Variants in GSDMB observed in about 807,000 individuals in gnomAD.
GSDMB encodes the protein gasdermin B.
Under a neutral mutation model 42.9 loss-of-function variants are expected in GSDMB, and 32 were observed. The observed-to-expected ratio is 0.75, with a 90% CI of 0.56 to 1.00. The LOEUF (loss-of-function observed/expected upper bound fraction) is 1.00. Ranked by LOEUF, GSDMB falls within the 50% of genes least tolerant of loss-of-function variation. The pLI, the probability that GSDMB is intolerant of heterozygous loss-of-function variation, is 0.00. For synonymous variants in GSDMB, 175 were observed against 193.7 expected, an observed-to-expected ratio of 0.90 and a Z score of 0.80; for missense variants, 468 against 498.5, an observed-to-expected ratio of 0.94 and a Z score of 0.58.
Position 39,906,252 on chromosome 17 carries a change from C to T in GSDMB, c.747G>A (p.Glu249=). ...ACTTCTCCTTCATGTTTCTGGAATC[C>T]TCCGAACCCAAAGACTTTCCTGTAG... ...SSCLGKSLGS[E]DSRNMKEKLE... Residue 249 remains glutamate (E), a synonymous_variant, in exon 8 of 11, where the codon GAG becomes GAA. Transcript: ENST00000418519. 6.2e-7 allele frequency: 1 copy of T among 1,614,154 alleles called. No individual in the cohort carries two copies. Among genetic ancestry groups the T allele is most frequent in the Non-Finnish European group, 8.5e-7 (1 of 1,180,036 alleles).
chr17:39,906,397 C>A, intron 7 of GSDMB, 126 bp from the exon 8 acceptor site: 2 of 1,022,816 alleles, frequency 2.0e-6, no homozygotes, highest in Non-Finnish European at 2.8e-6. Context: ...CCAGTCTTTC[C>A]GTGTTAAAAT....
intron 2 of GSDMB, 63 bp from the exon 3 acceptor site, chr17:39,912,560 C>A (rs1443958146): frequency 4.5e-6 from 6 of 1,336,260 alleles, no homozygotes; most frequent in Non-Finnish European, 6.5e-6. Flanking sequence ...CTCCAAAACA[C>A]CCTCCCTGGG....
intron 6 of GSDMB, chr17:39,907,234 A>G: frequency 1.5e-6 from 2 of 1,327,114 alleles, no homozygotes; most frequent in Non-Finnish European, 1.9e-6. Flanking sequence ...CAAGGCCCAG[A>G]AAGGGGGCAG....
chr17:39,909,181 C>CA, intron 4 of GSDMB, 139 bp from the exon 5 acceptor site: 2 of 599,940 alleles, frequency 3.3e-6, no homozygotes, highest in Non-Finnish European at 5.9e-6. Context: ...CAGAGGTCAG[C>CA]AGGTGAGACA....
At position 39,905,461 on chromosome 17, in the gene GSDMB, G is replaced by A. The variant is rs768531679; in HGVS notation, c.1063C>T (p.Leu355=). The change falls in exon 10 of 11, where the codon CTG becomes TTG. Residue 355 remains leucine, a synonymous_variant. Transcript: ENST00000418519. ...SEEQQFVAEA[L]EKGTLPLLKD... is the part of the protein sequence containing the mutation. ...AACAGAGGAAGGGTCCCCTTCTCCA[G>A]GGCCTCAGCCACAAACTGCTGCTCT... The A allele has an allele frequency of 6.2e-7, 1 of 1,609,830 alleles. No individual in the cohort carries two copies. Among genetic ancestry groups the A allele is most frequent in the Non-Finnish European group, 8.5e-7 (1 of 1,178,220 alleles).
At chr17:39,917,961 T>C (rs2063746469) in intron 1 of GSDMB, 1 of 152,498 alleles carries the variant, frequency 6.6e-6, no homozygotes, top group African/African-American at 2.4e-5. Flanking sequence ...CCTCTGCCCC[T>C]CATGGTACCC....
Position 39,906,186 on chromosome 17 carries a change from C to A in GSDMB, c.813G>T (p.Glu271Asp), listed in dbSNP as rs796742501. 6.2e-7 allele frequency: 1 copy of A among 1,614,120 alleles called. No homozygotes were observed. The highest frequency in any genetic ancestry group is 1.1e-5 in the South Asian group (1 of 91,090). The change falls in exon 8 of 11, where the codon GAG becomes GAT. Residue 271 changes from glutamate (E) to aspartate (D), a missense_variant. By Grantham distance (45) the Glu-to-Asp change is conservative. Transcript: ENST00000418519. The part of the protein sequence containing the change: ...MESVLKDLTE[E>D]KRKDVLNSLA... ...GGGAGTTTAGCACATCTTTTCTCTT[C>A]TCCTCTGTCAGGTCCTTGAGGACAC...
chr17:39,915,998 G>A (rs1397946145), intron 2 of GSDMB, among the ~76,000 whole-genome samples: 2 of 152,072 alleles, frequency 1.3e-5, no homozygotes, highest in Non-Finnish European at 2.9e-5. Context: ...TCCACTTTGG[G>A]CTCCAAGTGA....
In GSDMB at chr17:39,917,551, T is replaced by C. The variant is rs2063735117; in HGVS notation, c.-14-221A>G. Reference sequence around the variant, plus strand: ...CTGATGACATTCCACCATTGTGATTTGTTCCTGCCCCACCCTGATACAATA... The same window carrying C: ...CTGATGACATTCCACCATTGTGATTCGTTCCTGCCCCACCCTGATACAATA... On this transcript the variant is annotated intron_variant, in intron 1 of 10. Transcript: ENST00000418519. The C allele has an allele frequency of 6.1e-6, 3 of 489,316 alleles. No homozygotes were observed. The South Asian group carries it at 6.3e-5, about 10-fold the overall frequency. The allele number at this position is 489,316 out of a possible 1,614,324, so 30.3% of individuals were successfully genotyped here.
At chr17:39,906,492 T>A (rs2063507275) in intron 7 of GSDMB, 1 of 1,197,654 alleles carries the variant, frequency 8.3e-7, no homozygotes, top group Non-Finnish European at 1.1e-6. Context: ...TCACCCCCAG[T>A]CTAGTCCCAA....
intron 5 of GSDMB, 97 bp from the exon 6 acceptor site, chr17:39,908,311 A>G: frequency 2.3e-6 from 1 of 430,830 alleles, no homozygotes. Context: ...CAATCCCTAT[A>G]CCAGCCTCCA....
In GSDMB at chr17:39,912,321, C is replaced by T. The variant is rs1256373421; in HGVS notation, c.407+5G>A. On this transcript the variant is annotated splice_donor_5th_base_variant and intron_variant, in intron 3 of 10. Coordinates refer to ENST00000418519, the MANE Select transcript of GSDMB (RefSeq NM_001165958.2). ...TCCTTCCCTGCTGCCCAACTCCAAC[C>T]TCACCTGTTTTCAAGGGTAGCCAGA... 2 of 1,612,392 alleles carry T rather than the reference C, an allele frequency of 1.2e-6. No individual in the cohort carries two copies. The highest frequency in any genetic ancestry group is 1.1e-5 in the South Asian group (1 of 90,980).
intron 7 of GSDMB, 25 bp from the exon 8 acceptor site, chr17:39,906,296 T>G: frequency 6.2e-7 from 1 of 1,611,710 alleles, no homozygotes; most frequent in Non-Finnish European, 8.5e-7. Flanking sequence ...ATTGAGAACC[T>G]GGGCCACCCA....
chr17:39,914,994 G>A (rs1282623387), intron 2 of GSDMB, among the ~76,000 whole-genome samples: 7 of 151,916 alleles, frequency 4.6e-5, no homozygotes, highest in Admixed American at 2.6e-4. Context: ...GCGACACCAC[G>A]CCCAGCTAAT....
intron 2 of GSDMB, among the ~76,000 whole-genome samples, chr17:39,915,747 G>A (rs1191111370): frequency 6.6e-6 from 1 of 152,016 alleles, no homozygotes; most frequent in Non-Finnish European, 1.5e-5. Context: ...TCTGCTTGTG[G>A]AAAGGTCCAC....
chr17:39,906,286 A>G lies in GSDMB; in HGVS notation c.728-15T>C, dbSNP rs371283398. ...CAAAGACTTTCCTGTAGAGGCAGCA[A>G]TTGAGAACCTGGGCCACCCAGCCCA... On this transcript the variant is annotated splice_polypyrimidine_tract_variant and intron_variant, in intron 7 of 10. Coordinates refer to ENST00000418519, the MANE Select transcript of GSDMB (RefSeq NM_001165958.2). The G allele has an allele frequency of 9.2e-5, 149 of 1,613,274 alleles. No individual in the cohort carries two copies. The highest frequency in any genetic ancestry group is 6.6e-4 in the Middle Eastern group (4 of 6,082).
intron 10 of GSDMB, 81 bp downstream of exon 10, chr17:39,905,345 T>C (rs1377259106): frequency 3.2e-6 from 3 of 941,626 alleles, no homozygotes; most frequent in Non-Finnish European, 5.0e-6. Flanking sequence ...GAAGGGGCTG[T>C]ACCCTGGGAC....
chr17:39,905,289 A>T (rs527545340), intron 10 of GSDMB, 137 bp downstream of exon 10: 389 of 659,612 alleles, frequency 5.9e-4, no homozygotes, highest in Non-Finnish European at 9.5e-4. Context: ...GGGAATTGTC[A>T]CAAACCAGCT....
intron 2 of GSDMB, among the ~76,000 whole-genome samples, chr17:39,916,268 T>G (rs1412979174): frequency 1.3e-5 from 2 of 148,244 alleles, no homozygotes; most frequent in Non-Finnish European, 1.5e-5. Flanking sequence ...TCACGTAATT[T>G]GTTCTCATTT....
Sources: gnomAD v4.1 joint callset for allele counts (sites outside exome capture counted in the v4.1 genomes callset) on GRCh38, gnomAD v4.1.1 for gene constraint, MANE v1.5 for transcripts, NCBI Gene and HGNC (gene_info 2026-07-23, HGNC 2026-07-21) for gene names.